RFX7: variants seen among roughly 807,000 people sequenced by gnomAD.
The protein encoded by RFX7 is regulatory factor X7, also known as DNA-binding protein RFX7.
A neutral mutation model predicts 111.8 loss-of-function variants in RFX7; 26 were observed. That is an observed-to-expected ratio of 0.23 (90% confidence interval 0.17 to 0.32). The LOEUF is 0.32. Among genes scored for constraint, RFX7 ranks in the 10% least tolerant of loss-of-function variants. RFX7 has a pLI of 1.00. For missense variants in RFX7, 1,573 were observed against 1,772.9 expected (o/e 0.89, Z 2.02); for synonymous variants, 624 against 624.4 (o/e 1.00, Z 0.01).
chr15:56,140,159 T>G (rs1254918279), intron 5 of RFX7, among the ~76,000 whole-genome samples: 1 of 152,164 alleles, frequency 6.6e-6, no homozygotes, highest in African/African-American at 2.4e-5. Flanking sequence ...TGGAGCTTCC[T>G]GGCTGCTTTG....
intron 2 of RFX7, among the ~76,000 whole-genome samples, chr15:56,183,132 A>G (rs2141142920): frequency 6.6e-6 from 1 of 152,218 alleles, no homozygotes; most frequent in Admixed American, 6.5e-5. Flanking sequence ...CCTGCCTGTT[A>G]GACATAGGGA....
At chr15:56,233,497 C>A (rs1295724496) in intron 2 of RFX7, among the ~76,000 whole-genome samples, 1 of 151,782 alleles carries the variant, frequency 6.6e-6, no homozygotes, top group Admixed American at 6.6e-5. Context: ...AATAGGAAGA[C>A]AAGGAGAAAT....
intron 5 of RFX7, among the ~76,000 whole-genome samples, chr15:56,132,236 TA>T (rs2042227605): frequency 1.3e-5 from 2 of 151,712 alleles, no homozygotes; most frequent in African/African-American, 4.8e-5. Context: ...CAACTTCCTA[TA>T]AAAAAAATTA....
At chr15:56,134,670 C>A (rs1187045643) in intron 5 of RFX7, among the ~76,000 whole-genome samples, 1 of 141,914 alleles carries the variant, frequency 7.0e-6, no homozygotes, top group Non-Finnish European at 1.5e-5. Context: ...GCACATTGTG[C>A]AGGTTACTTA....
At chr15:56,102,143 T>C in intron 7 of RFX7, 26 bp downstream of exon 7, 2 of 1,541,110 alleles carry the variant, frequency 1.3e-6, no homozygotes, top group Non-Finnish European at 1.8e-6. Context: ...ATTTTACTTA[T>C]TAAAAAGAAA....
intron 5 of RFX7, among the ~76,000 whole-genome samples, chr15:56,115,978 G>A (rs982730441): frequency 2.6e-5 from 4 of 152,022 alleles, no homozygotes; most frequent in African/African-American, 7.2e-5. Flanking sequence ...CATATAAAAT[G>A]TCCAGATTTA....
chr15:56,096,239 TG>T lies in RFX7; in HGVS notation c.1488del (p.Ser496ArgfsTer95). ...GATTCTTCTGTTGTTCCTGTAGCACTGCTGACTGAGGCAGAATGTTTAAGAG... is the reference window on the plus strand; with the variant it reads ...GATTCTTCTGTTGTTCCTGTAGCACTCTGACTGAGGCAGAATGTTTAAGAG... ...NTPLKHSASVSSATGTTEESR... is the reference protein window; with the variant it reads ...NTPLKHSASVXSATGTTEESR... On this transcript the variant is annotated frameshift_variant, in exon 10 of 10. Coordinates refer to ENST00000559447, the MANE Select transcript of RFX7 (RefSeq NM_022841.7). LOFTEE classifies it high-confidence loss of function. 6.2e-7 allele frequency: 1 copy of T among 1,613,994 alleles called. No individual in the cohort carries two copies. Among genetic ancestry groups the T allele is most frequent in the Non-Finnish European group, 8.5e-7 (1 of 1,179,874 alleles).
intron 2 of RFX7, among the ~76,000 whole-genome samples, chr15:56,233,746 C>T (rs1436298194): frequency 6.6e-6 from 1 of 152,080 alleles, no homozygotes; most frequent in Admixed American, 6.6e-5. Flanking sequence ...TTGTGAAAGG[C>T]CAAGTTTAAG....
intron 2 of RFX7, chr15:56,193,105 G>C (rs1415692718): frequency 8.1e-6 from 2 of 248,426 alleles, no homozygotes; most frequent in Non-Finnish European, 1.7e-5. Context: ...ATTTTGCCAA[G>C]ATGTCCTCTG....
At chr15:56,218,000 G>T (rs771492795) in intron 2 of RFX7, among the ~76,000 whole-genome samples, 1 of 151,684 alleles carries the variant, frequency 6.6e-6, no homozygotes, top group Non-Finnish European at 1.5e-5. Context: ...AAAACACTCA[G>T]GGGGAAAAAA....
At position 56,087,634 on chromosome 15, in the gene RFX7, A is replaced by G. The variant is rs2041544711; in HGVS notation, c.*5711T>C. On this transcript the variant is annotated 3_prime_UTR_variant, in exon 10 of 10. Coordinates refer to ENST00000559447, the MANE Select transcript of RFX7 (RefSeq NM_022841.7). Reference sequence around the variant, plus strand: ...TGGTCAGATGGCTGTGTGCTCAGCTAAAAATCAAGGACTTTTACAGTAAAG... The same window carrying G: ...TGGTCAGATGGCTGTGTGCTCAGCTGAAAATCAAGGACTTTTACAGTAAAG... 2.2e-6 allele frequency: 1 copy of G among 447,234 alleles called. No homozygotes were observed. Among genetic ancestry groups the G allele is most frequent in the Non-Finnish European group, 4.5e-6 (1 of 221,580 alleles). 27.7% of individuals were successfully genotyped at this position (447,234 alleles called of 1,614,324 possible).
rs748005606 is a variant in RFX7 at position 56,102,172 on chromosome 15, A to G, written c.600T>C (p.Asp200=). Residue 200 remains aspartate, a synonymous_variant, in exon 7 of 10, where the codon GAT becomes GAC. Coordinates refer to ENST00000559447, the MANE Select transcript of RFX7 (RefSeq NM_022841.7). ...AAAGAAAAGGCTGAATTCTTACCCC[A>G]TCTCCAGTTTTGTGAAAGTCAAGGT... ...LPNLDFHKTG[D]GLEGAEPSGQ... 1.2e-6 allele frequency: 2 copies of G among 1,607,722 alleles called. No individual in the cohort carries two copies. The highest frequency in any genetic ancestry group is 1.7e-6 in the Non-Finnish European group (2 of 1,175,664).
intron 2 of RFX7, among the ~76,000 whole-genome samples, chr15:56,232,105 G>A (rs1484392862): frequency 1.3e-5 from 2 of 152,214 alleles, no homozygotes; most frequent in Non-Finnish European, 2.9e-5. Context: ...GGTGTGCAGG[G>A]CAAGCTATCG....
chr15:56,161,872 T>C (rs572191729), intron 3 of RFX7, among the ~76,000 whole-genome samples: 25 of 152,160 alleles, frequency 1.6e-4, no homozygotes, highest in African/African-American at 5.8e-4. Flanking sequence ...CCCCTTGAAA[T>C]AGAATTCAAA....
chr15:56,184,330 C>T (rs191116398), intron 2 of RFX7, among the ~76,000 whole-genome samples: 87 of 151,374 alleles, frequency 5.7e-4, no homozygotes, highest in Non-Finnish European at 6.9e-4. Context: ...TGAGCCACTG[C>T]GCCCGGACAG....
At chr15:56,216,826 C>T (rs2043367005) in intron 2 of RFX7, among the ~76,000 whole-genome samples, 1 of 151,936 alleles carries the variant, frequency 6.6e-6, no homozygotes, top group African/African-American at 2.4e-5. Flanking sequence ...TTTCTTCTTT[C>T]TTTTTTAAAA....
intron 3 of RFX7, among the ~76,000 whole-genome samples, chr15:56,150,691 G>C (rs541752965): frequency 6.6e-6 from 1 of 152,274 alleles, no homozygotes; most frequent in East Asian, 1.9e-4. Context: ...CGCCAGCAAG[G>C]GAACAAAATT....
Position 56,087,674 on chromosome 15 carries a change from G to T in RFX7, c.*5671C>A, listed in dbSNP as rs182397028. 4.1e-5 allele frequency: 17 copies of T among 412,166 alleles called. No homozygotes were observed. The Admixed American group carries it at 4.4e-4, about 11-fold the overall frequency. The allele number at this position is 412,166 out of a possible 1,614,324, so 25.5% of individuals were successfully genotyped here. ...TTACAGTAAAGAAGAAGGGGAGAAT[G>T]CATACTACTGGTAAGTATCCGCCTC... is the stretch of plus-strand genomic sequence containing the variant. On this transcript the variant is annotated 3_prime_UTR_variant, in exon 10 of 10. Coordinates refer to ENST00000559447, the MANE Select transcript of RFX7 (RefSeq NM_022841.7).
chr15:56,121,035 G>A (rs899441670), intron 5 of RFX7, among the ~76,000 whole-genome samples: 2 of 152,132 alleles, frequency 1.3e-5, no homozygotes, highest in African/African-American at 4.8e-5. Context: ...CACAATTACA[G>A]TGTTATAATA....
Sources: gnomAD v4.1 joint callset for allele counts (sites outside exome capture counted in the v4.1 genomes callset) on GRCh38, gnomAD v4.1.1 for gene constraint, MANE v1.5 for transcripts, NCBI Gene and HGNC (gene_info 2026-07-23, HGNC 2026-07-21) for gene names.